Variants in ANK1 observed in about 807,000 individuals in gnomAD.
The protein encoded by ANK1 is ankyrin 1, also known as ankyrin-1.
A neutral mutation model predicts 210.4 loss-of-function variants in ANK1; 51 were observed. The ratio of observed to expected loss-of-function variants is 0.24; its 90% CI spans 0.19 to 0.31. The LOEUF (loss-of-function observed/expected upper bound fraction) is 0.31. Among genes scored for constraint, ANK1 ranks in the 10% least tolerant of loss-of-function variants. The pLI is 1.00. For synonymous variants in ANK1, 967 were observed against 1,025.9 expected (o/e 0.94, Z 1.10); for missense variants, 2,051 against 2,504.4 (o/e 0.82, Z 3.86).
At position 41,690,210 on chromosome 8, in the gene ANK1, G is replaced by A. The variant is rs746750012; in HGVS notation, c.4104+17C>T. 1.1e-5 allele frequency: 17 copies of A among 1,613,842 alleles called. No individual in the cohort carries two copies. Among genetic ancestry groups the A allele is most frequent in the South Asian group, 8.8e-5 (8 of 91,054 alleles). ...AAGCCGTCTCGGGCCAAGGCTCCTCGGCAGGTGCCAGCTCACCTTGGCGCA... is the reference window on the plus strand; with the variant it reads ...AAGCCGTCTCGGGCCAAGGCTCCTCAGCAGGTGCCAGCTCACCTTGGCGCA... On this transcript the variant is annotated intron_variant, in intron 33 of 42. Transcript: ENST00000289734.
At chr8:41,686,921 G>A (rs1477430546) in intron 35 of ANK1, among the ~76,000 whole-genome samples, 1 of 152,172 alleles carries the variant, frequency 6.6e-6, no homozygotes, top group Non-Finnish European at 1.5e-5. Flanking sequence ...AAGAAGACTG[G>A]GGAGAAAGTG....
rs1368581974 is a variant in ANK1 at position 41,665,546 on chromosome 8, T to C, written c.5395-1804A>G. 5 of 328,496 alleles carry C rather than the reference T, an allele frequency of 1.5e-5. No homozygotes were observed. The East Asian group carries it at 3.3e-4, about 22-fold the overall frequency. The allele number at this position is 328,496 out of a possible 1,614,324, so 20.3% of individuals were successfully genotyped here. On this transcript the variant is annotated intron_variant, in intron 39 of 42. Coordinates refer to ENST00000289734, the MANE Select transcript of ANK1 (RefSeq NM_000037.4). The stretch of plus-strand genomic sequence containing the variant: ...AAAGTTTCTTACTTTCAGAAAATAA[T>C]ACAGTCCGAGAAAGCAGCTACTTGT...
chr8:41,668,706 C>A, intron 38 of ANK1, 142 bp from the exon 39 acceptor site: 2 of 969,118 alleles, frequency 2.1e-6, no homozygotes, highest in Non-Finnish European at 1.5e-6. Flanking sequence ...CCCATCCCTC[C>A]AAAGGTCAGG....
At chr8:41,889,022 G>A (rs1260916367) in intron 1 of ANK1, among the ~76,000 whole-genome samples, 2 of 152,152 alleles carry the variant, frequency 1.3e-5, no homozygotes, top group African/African-American at 4.8e-5. Flanking sequence ...TAAATTTTTT[G>A]TGGAGACTGG....
chr8:41,720,646 C>T (rs778820498), intron 9 of ANK1, among the ~76,000 whole-genome samples: 15 of 152,084 alleles, frequency 9.9e-5, no homozygotes, highest in Non-Finnish European at 1.9e-4. Flanking sequence ...TGTCTTTCAG[C>T]GCCCTGAAGT....
At chr8:41,759,358 T>G (rs930017604) in intron 1 of ANK1, among the ~76,000 whole-genome samples, 9 of 151,894 alleles carry the variant, frequency 5.9e-5, no homozygotes, top group African/African-American at 2.2e-4. Flanking sequence ...ATACAAAAAT[T>G]AGCTGGGCTT....
Position 41,715,759 on chromosome 8 carries a change from C to A in ANK1, c.1495G>T (p.Ala499Ser), listed in dbSNP as rs1368878808. The change falls in exon 14 of 43, where the codon GCC (alanine) becomes TCC (serine). Residue 499 changes from alanine (A) to serine (S), a missense_variant. Coordinates refer to ENST00000289734, the MANE Select transcript of ANK1 (RefSeq NM_000037.4). ...LLENNANPNL[A>S]TTAGHTPLHI... is the part of the protein sequence containing the mutation. ...AGGGGGGTGTGCCCGGCGGTGGTGG[C>A]CAGGTTGGGGTTGGCGTTATTTTCC... is the stretch of plus-strand genomic sequence containing the variant. 6.2e-7 allele frequency: 1 copy of A among 1,614,074 alleles called. No homozygotes were observed. The highest frequency in any genetic ancestry group is 2.2e-5 in the East Asian group (1 of 44,904).
chr8:41,783,163 C>G (rs1434778970), intron 1 of ANK1, among the ~76,000 whole-genome samples: 1 of 152,198 alleles, frequency 6.6e-6, no homozygotes, highest in African/African-American at 2.4e-5. Flanking sequence ...TGAACCAAGT[C>G]CTATTTCCTC....
chr8:41,783,547 C>T (rs1191607981), intron 1 of ANK1, among the ~76,000 whole-genome samples: 1 of 152,122 alleles, frequency 6.6e-6, no homozygotes, highest in African/African-American at 2.4e-5. Flanking sequence ...CCTCATTGAA[C>T]CCCTGCCTAC....
chr8:41,801,998 T>C (rs1422554407), upstream of ANK1, among the ~76,000 whole-genome samples: 1 of 152,198 alleles, frequency 6.6e-6, no homozygotes, highest in Non-Finnish European at 1.5e-5. Context: ...TTGTTTTGTT[T>C]TTTGTTTTTG....
intron 1 of ANK1, among the ~76,000 whole-genome samples, chr8:41,865,668 C>T (rs1814280594): frequency 6.6e-6 from 1 of 152,104 alleles, no homozygotes; most frequent in Non-Finnish European, 1.5e-5. Context: ...ATGCACTCAG[C>T]CAGCCTCACC....
chr8:41,672,993 C>G (rs1001256586), intron 37 of ANK1, 81 bp from the exon 38 acceptor site: 1 of 1,393,824 alleles, frequency 7.2e-7, no homozygotes. Flanking sequence ...CGCACACGCA[C>G]GAACACACAC....
upstream of ANK1, among the ~76,000 whole-genome samples, chr8:41,798,390 G>T (rs1477845755): frequency 1.3e-5 from 2 of 152,316 alleles, no homozygotes; most frequent in East Asian, 3.9e-4. Flanking sequence ...GTGAGTCACC[G>T]CAAACAGCGG....
intron 1 of ANK1, among the ~76,000 whole-genome samples, chr8:41,827,725 CA>C (rs1805660616): frequency 1.2e-5 from 1 of 86,052 alleles, no homozygotes; most frequent in Admixed American, 1.3e-4. Context: ...CACTCACACT[CA>C]CACACATCCA....
intron 1 of ANK1, among the ~76,000 whole-genome samples, chr8:41,774,493 C>A (rs954908372): frequency 6.6e-6 from 1 of 152,242 alleles, no homozygotes; most frequent in Admixed American, 6.5e-5. Flanking sequence ...GTTTCAGGTG[C>A]TTCCCATCCC....
rs151328386 is a variant in ANK1 at position 41,824,569 on chromosome 8, C to T, written c.127-66432G>A. Among the ~76,000 whole-genome samples, 89 of 152,236 alleles carry T rather than the reference C, an allele frequency of 5.8e-4. 3 individuals are homozygous for T. The East Asian group carries it at 0.016, about 28-fold the overall frequency. ...GTCACTGTTCTGTGATTAAGCAAAA[C>T]GGTGGTAGATACCATGATTCAAGGG... is the stretch of plus-strand genomic sequence containing the variant. On this transcript the variant is annotated intron_variant, in intron 1 of 42. Coordinates refer to the ANK1 transcript ENST00000265709.
At chr8:41,779,044 T>C (rs1844727619) in intron 1 of ANK1, among the ~76,000 whole-genome samples, 1 of 152,108 alleles carries the variant, frequency 6.6e-6, no homozygotes, top group Non-Finnish European at 1.5e-5. Context: ...CCCGATGGTG[T>C]TCAGTCCCGG....
chr8:41,784,971 T>G (rs1846052807), intron 1 of ANK1, among the ~76,000 whole-genome samples: 2 of 152,216 alleles, frequency 1.3e-5, no homozygotes, highest in Non-Finnish European at 2.9e-5. Context: ...CCATCTGAAA[T>G]GCTGCACAGG....
chr8:41,797,521 G>A lies in ANK1; in HGVS notation c.18C>T (p.Gly6=). 6.2e-7 allele frequency: 1 copy of A among 1,613,802 alleles called. No homozygotes were observed. The highest frequency in any genetic ancestry group is 8.5e-7 in the Non-Finnish European group (1 of 1,179,876). MPYSV[G]FREADAATSF... ...GCCGCCCAGTACTCACTTCGCGGAA[G>A]CCCACAGAATAGGGCATGCCGGTCT... Residue 6 remains glycine (G), a synonymous_variant, in exon 1 of 43, where the codon GGC becomes GGT. Coordinates refer to ENST00000289734, the MANE Select transcript of ANK1 (RefSeq NM_000037.4). This position sits in a 1 kb window ranked among gnomAD's most constrained non-coding sequence, Gnocchi z 4.0.
Sources: allele counts gnomAD v4.1 joint callset (sites outside exome capture counted in the v4.1 genomes callset), GRCh38; gene constraint gnomAD v4.1.1; non-coding constraint Gnocchi (gnomAD v3.1); transcripts MANE v1.5; gene names NCBI Gene and HGNC (gene_info 2026-07-23, HGNC 2026-07-21).